Variants in PPIB observed in about 807,000 individuals in gnomAD.
PPIB encodes peptidyl-prolyl cis-trans isomerase B.
PPIB carries 15 observed loss-of-function variants against 20.1 expected under a neutral mutation model. The observed-to-expected ratio is 0.75, with a 90% CI of 0.50 to 1.15. The LOEUF (loss-of-function observed/expected upper bound fraction) is 1.15. PPIB is among the 50% of genes most tolerant of loss of function. The probability of loss-of-function intolerance (pLI) is 0.00; values close to 1 mark genes in which losing one functional copy is unlikely to be tolerated. For synonymous variants in PPIB, 129 were observed against 111.0 expected, an observed-to-expected ratio of 1.16 and a Z score of -1.02; for missense variants, 278 against 283.0, an observed-to-expected ratio of 0.98 and a Z score of 0.13.
Position 64,159,882 on chromosome 15 carries a change from A to G in PPIB, c.343+222T>C. 1.6e-6 allele frequency: 1 copy of G among 608,658 alleles called. No individual in the cohort carries two copies. Among genetic ancestry groups the G allele is most frequent in the Non-Finnish European group, 2.9e-6 (1 of 341,514 alleles). The allele number at this position is 608,658 out of a possible 1,614,324, so 37.7% of individuals were successfully genotyped here. A position where few individuals can be genotyped will look rare whatever the true frequency, so the allele number is the denominator to read the frequency against. ...TCAGCAGGACGGTCACCTGGGAGAG[A>G]TTCTCTTAGATCTACCATCAGGTCC... On this transcript the variant is annotated intron_variant, in intron 3 of 4. Transcript: ENST00000300026. This position sits in a 1 kb window ranked among gnomAD's most constrained non-coding sequence, Gnocchi z 5.1.
In PPIB at chr15:64,162,098, G is replaced by A; in HGVS notation, c.192C>T (p.Leu64=). 6.2e-7 allele frequency: 1 copy of A among 1,614,172 alleles called. No individual in the cohort carries two copies. The highest frequency in any genetic ancestry group is 8.5e-7 in the Non-Finnish European group (1 of 1,180,018). ...DEDVGRVIFG[L]FGKTVPKTVD... ...CTGTTTTTGGAACAGTCTTTCCGAA[G>A]AGACCAAAGATCACCCGGCCTACAT... Residue 64 remains leucine (L), a synonymous_variant, in exon 2 of 5, where the codon CTC becomes CTT. Coordinates refer to ENST00000300026, the MANE Select transcript of PPIB (RefSeq NM_000942.5).
chr15:64,161,954 C>A lies in PPIB; in HGVS notation c.249+87G>T. ...GCTCAGTGAGGTCCACGCTACAGAT[C>A]GGCTGAACTCTGCAGGTCAGTTTGC... On this transcript the variant is annotated intron_variant, in intron 2 of 4. Transcript: ENST00000300026. This position sits in a 1 kb window ranked among gnomAD's most constrained non-coding sequence, Gnocchi z 4.2. 6.4e-6 allele frequency: 6 copies of A among 933,946 alleles called. No individual in the cohort carries two copies. The highest frequency in any genetic ancestry group is 3.9e-5 in the South Asian group (3 of 77,120). 57.9% of individuals were successfully genotyped at this position (933,946 alleles called of 1,614,324 possible). A position where few individuals can be genotyped will look rare whatever the true frequency, so the allele number is the denominator to read the frequency against.
chr15:64,162,216 G>A (rs1454991935), intron 1 of PPIB, 62 bp from the exon 2 acceptor site: 25 of 1,236,464 alleles, frequency 2.0e-5, no homozygotes, highest in Non-Finnish European at 2.9e-5. Context: ...GGGAGGGAAG[G>A]TACAAGAAGC....
Position 64,156,535 on chromosome 15 carries a change from A to C in PPIB, c.528+190T>G, listed in dbSNP as rs899749857. The C allele has an allele frequency of 1.3e-6, 1 of 757,378 alleles. No homozygotes were observed. The highest frequency in any genetic ancestry group is 1.7e-5 in the African/African-American group (1 of 58,226). The allele number at this position is 757,378 out of a possible 1,614,324, so 46.9% of individuals were successfully genotyped here. A position where few individuals can be genotyped will look rare whatever the true frequency, so the allele number is the denominator to read the frequency against. On this transcript the variant is annotated intron_variant, in intron 4 of 4. Coordinates refer to ENST00000300026, the MANE Select transcript of PPIB (RefSeq NM_000942.5). This position sits in a 1 kb window ranked among gnomAD's most constrained non-coding sequence, Gnocchi z 6.4. ...GTGCAGCCTTCCTGGCTGGGCTCTGAGGGGGCTGGAAGAATTTAGAACCTT... is the reference window on the plus strand; with the variant it reads ...GTGCAGCCTTCCTGGCTGGGCTCTGCGGGGGCTGGAAGAATTTAGAACCTT...
Position 64,161,360 on chromosome 15 carries a change from A to G in PPIB, c.249+681T>C, listed in dbSNP as rs149353137. Reference sequence around the variant, plus strand: ...ATGAACATGGCTCACTGCAACCTCCATTTCACTTCAGCCTCCTGAGTAGCT... The same window carrying G: ...ATGAACATGGCTCACTGCAACCTCCGTTTCACTTCAGCCTCCTGAGTAGCT... On this transcript the variant is annotated intron_variant, in intron 2 of 4. Coordinates refer to ENST00000300026, the MANE Select transcript of PPIB (RefSeq NM_000942.5). This position sits in a 1 kb window ranked among gnomAD's most constrained non-coding sequence, Gnocchi z 4.2. Among the ~76,000 whole-genome samples, 80 of 151,776 alleles carry G rather than the reference A, an allele frequency of 5.3e-4. 1 individual carries two copies. The East Asian group carries it at 0.013, about 24-fold the overall frequency.
Position 64,156,777 on chromosome 15 carries a change from G to A in PPIB, c.476C>T (p.Thr159Ile), listed in dbSNP as rs752317657. 6.2e-7 allele frequency: 1 copy of A among 1,614,216 alleles called. No individual in the cohort carries two copies. The highest frequency in any genetic ancestry group is 1.7e-5 in the Admixed American group (1 of 60,030). Residue 159 changes from threonine to isoleucine, a missense_variant, in exon 4 of 5, where the codon ACA (threonine) becomes ATA (isoleucine). Transcript: ENST00000300026. The surrounding 1 kb of genome is among the most constrained non-coding windows in gnomAD (Gnocchi z 6.4). ...CACATGCTTGCCATCTAGCCAGGCT[G>A]TCTTGACTGTCGTGATGAAGAACTG... ...GSQFFITTVK[T>I]AWLDGKHVVF...
At position 64,161,279 on chromosome 15, in the gene PPIB, T is replaced by G. The variant is rs1413692156; in HGVS notation, c.249+762A>C. On this transcript the variant is annotated intron_variant, in intron 2 of 4. Transcript: ENST00000300026. This position sits in a 1 kb window ranked among gnomAD's most constrained non-coding sequence, Gnocchi z 4.2. ...GCCCGGCCTTTTATTTTTAATTAAT[T>G]TATTTTTTTTTTGAGACAGGGTCTC... is the stretch of plus-strand genomic sequence containing the variant. Among the ~76,000 whole-genome samples, 4 of 151,936 alleles carry G rather than the reference T, an allele frequency of 2.6e-5. No individual in the cohort carries two copies. Among genetic ancestry groups the G allele is most frequent in the Non-Finnish European group, 5.9e-5 (4 of 68,000 alleles).
In PPIB at chr15:64,161,661, G is replaced by T. The variant is rs922178689; in HGVS notation, c.249+380C>A. Among the ~76,000 whole-genome samples the T allele has an allele frequency of 3.3e-5, 5 of 151,672 alleles. No individual in the cohort carries two copies. Among genetic ancestry groups the T allele is most frequent in the Non-Finnish European group, 7.4e-5 (5 of 67,938 alleles). ...AATCACTTAAACCCGGGAGGCGGAG[G>T]TTGCAGTGAGCTGAGGCCGCACCAC... On this transcript the variant is annotated intron_variant, in intron 2 of 4. Coordinates refer to ENST00000300026, the MANE Select transcript of PPIB (RefSeq NM_000942.5). This position sits in a 1 kb window ranked among gnomAD's most constrained non-coding sequence, Gnocchi z 4.2.
rs1048478441 is a variant in PPIB, at chr15:64,161,134, G to A, written c.249+907C>T. ...TACCACTACACCTGGCTAATTTTTT[G>A]TATTTTTAGTAGAGACAGGATTTCG... On this transcript the variant is annotated intron_variant, in intron 2 of 4. Transcript: ENST00000300026. The surrounding 1 kb of genome is among the most constrained non-coding windows in gnomAD (Gnocchi z 4.2). Among the ~76,000 whole-genome samples, 4 of 151,302 alleles carry A rather than the reference G, an allele frequency of 2.6e-5. No homozygotes were observed. The highest frequency in any genetic ancestry group is 9.7e-5 in the African/African-American group (4 of 41,216).
chr15:64,159,679 G>A lies in PPIB; in HGVS notation c.343+425C>T, dbSNP rs1211701136. ...GGCCTTCCAAAGTGCTGGGATCACA[G>A]AGTCACCACGCCTGGCCCTCTCACT... On this transcript the variant is annotated intron_variant, in intron 3 of 4. Transcript: ENST00000300026. This position sits in a 1 kb window ranked among gnomAD's most constrained non-coding sequence, Gnocchi z 5.1. The A allele has an allele frequency of 7.2e-6, 2 of 277,350 alleles. No individual in the cohort carries two copies. Among genetic ancestry groups the A allele is most frequent in the Non-Finnish European group, 1.4e-5 (2 of 142,024 alleles). The allele number at this position is 277,350 out of a possible 1,614,324, so 17.2% of individuals were successfully genotyped here.
intron 1 of PPIB, 71 bp downstream of exon 1, chr15:64,162,781 T>TGAGCCAAGGCTGAGCCAAGGCC: frequency 6.4e-7 from 1 of 1,568,802 alleles, no homozygotes; most frequent in East Asian, 2.4e-5. Flanking sequence ...GAGGAGGGGC[T>TGAGCCAAGGCTGAGCCAAGGCC]GAGCCAAGGC....
chr15:64,155,887 T>G lies in PPIB; in HGVS notation c.*136A>C. ...GGTAGGAGTTTGTTACAAAAGTGAG[T>G]CCATGGGCCTGTGGAATGTGAGGGG... is the stretch of plus-strand genomic sequence containing the variant. On this transcript the variant is annotated 3_prime_UTR_variant, in exon 5 of 5. Coordinates refer to ENST00000300026, the MANE Select transcript of PPIB (RefSeq NM_000942.5). 1 of 1,327,392 alleles carries G rather than the reference T, an allele frequency of 7.5e-7. No individual in the cohort carries two copies. Among genetic ancestry groups the G allele is most frequent in the Non-Finnish European group, 1.1e-6 (1 of 932,950 alleles). The allele number at this position is 1,327,392 out of a possible 1,614,324, so 82.2% of individuals were successfully genotyped here.
chr15:64,162,420 T>C (rs1294050182), intron 1 of PPIB, among the ~76,000 whole-genome samples: 1 of 152,152 alleles, frequency 6.6e-6, no homozygotes, highest in East Asian at 1.9e-4. Context: ...GGACCCAGAT[T>C]CTAAAAATTA....
intron 1 of PPIB, 55 bp downstream of exon 1, chr15:64,162,797 C>T: frequency 6.3e-7 from 1 of 1,586,020 alleles, no homozygotes; most frequent in South Asian, 1.1e-5. Flanking sequence ...AAGGCCAAGC[C>T]AAGGCCGCCC....
chr15:64,162,808 G>C, intron 1 of PPIB, 44 bp downstream of exon 1: 2 of 1,596,906 alleles, frequency 1.3e-6, no homozygotes, highest in South Asian at 1.1e-5. Context: ...AAGGCCGCCC[G>C]GGCCCGAGCT....
chr15:64,156,900 AT>A lies in PPIB; in HGVS notation c.352del (p.Ile118SerfsTer13). 1 of 1,614,072 alleles carries A rather than the reference AT, an allele frequency of 6.2e-7. No homozygotes were observed. Among genetic ancestry groups the A allele is most frequent in the Non-Finnish European group, 8.5e-7 (1 of 1,179,984 alleles). On this transcript the variant is annotated frameshift_variant, in exon 4 of 5. Transcript: ENST00000300026. LOFTEE classifies it high-confidence loss of function. The surrounding 1 kb of genome is among the most constrained non-coding windows in gnomAD (Gnocchi z 6.4). ...TRGDGTGGKSIYGERFPDENF... is the reference protein window; with the variant it reads ...TRGDGTGGKSXYGERFPDENF... The stretch of plus-strand genomic sequence containing the variant: ...CTCATCGGGGAAGCGCTCACCGTAG[AT>A]GCTCTTTCCTGGGAAAAAAGACAGA...
chr15:64,161,950 A>G lies in PPIB; in HGVS notation c.249+91T>C, dbSNP rs963535872. 1.1e-6 allele frequency: 1 copy of G among 912,716 alleles called. No individual in the cohort carries two copies. The highest frequency in any genetic ancestry group is 1.8e-6 in the Non-Finnish European group (1 of 542,048). 56.5% of individuals were successfully genotyped at this position (912,716 alleles called of 1,614,324 possible). A position where few individuals can be genotyped will look rare whatever the true frequency, so the allele number is the denominator to read the frequency against. On this transcript the variant is annotated intron_variant, in intron 2 of 4. Coordinates refer to ENST00000300026, the MANE Select transcript of PPIB (RefSeq NM_000942.5). This position sits in a 1 kb window ranked among gnomAD's most constrained non-coding sequence, Gnocchi z 4.2. ...CGGTGCTCAGTGAGGTCCACGCTAC[A>G]GATCGGCTGAACTCTGCAGGTCAGT...
rs2081562332 is a variant in PPIB at position 64,161,308 on chromosome 15, C to G, written c.249+733G>C. ...TTTTTTTTTGAGACAGGGTCTCACT[C>G]TATTGCTCAGGCTGGAGTGCAGTGG... On this transcript the variant is annotated intron_variant, in intron 2 of 4. Coordinates refer to ENST00000300026, the MANE Select transcript of PPIB (RefSeq NM_000942.5). The surrounding 1 kb of genome is among the most constrained non-coding windows in gnomAD (Gnocchi z 4.2). Among the ~76,000 whole-genome samples the G allele has an allele frequency of 6.6e-6, 1 of 151,486 alleles. No homozygotes were observed. Among genetic ancestry groups the G allele is most frequent in the African/African-American group, 2.4e-5 (1 of 41,176 alleles).
rs1274963951 is a variant in PPIB at position 64,159,830 on chromosome 15, G to A, written c.343+274C>T. The A allele has an allele frequency of 1.8e-6, 1 of 554,138 alleles. No individual in the cohort carries two copies. Among genetic ancestry groups the A allele is most frequent in the Admixed American group, 3.1e-5 (1 of 32,558 alleles). 34.3% of individuals were successfully genotyped at this position (554,138 alleles called of 1,614,324 possible). On this transcript the variant is annotated intron_variant, in intron 3 of 4. Transcript: ENST00000300026. The surrounding 1 kb of genome is among the most constrained non-coding windows in gnomAD (Gnocchi z 5.1). ...AATCCCCATTCTGAAGAGGTATCAG[G>A]AAAGGTCACCAGGCTATAGGCCTGG...
Sources: allele counts gnomAD v4.1 joint callset (sites outside exome capture counted in the v4.1 genomes callset), GRCh38; gene constraint gnomAD v4.1.1; non-coding constraint Gnocchi (gnomAD v3.1); transcripts MANE v1.5; gene names NCBI Gene and HGNC (gene_info 2026-07-23, HGNC 2026-07-21).